Variants in BRCA2 observed in about 807,000 individuals in gnomAD.
The protein encoded by BRCA2 is BRCA2 DNA repair associated.
A neutral mutation model predicts 276.7 loss-of-function variants in BRCA2; 203 were observed. The observed-to-expected ratio is 0.73, with a 90% confidence interval of 0.65 to 0.82. BRCA2 has a LOEUF of 0.82. Ranked by LOEUF, BRCA2 falls within the 40% of genes least tolerant of loss-of-function variation. The pLI, the probability that BRCA2 is intolerant of heterozygous loss-of-function variation, is 0.00. For synonymous variants in BRCA2, 1,289 were observed against 1,338.4 expected, an observed-to-expected ratio of 0.96 and a Z score of 0.81; for missense variants, 3,920 against 3,915.0, an observed-to-expected ratio of 1.00 and a Z score of -0.03.
rs1433895993 is a variant in BRCA2, at chr13:32,362,743, G to C, written c.7976+50G>C. On this transcript the variant is annotated intron_variant, in intron 17 of 26. Transcript: ENST00000380152. Reference sequence around the variant, plus strand: ...TAATCATATACGGCAGTATGGTTAAGGTTTCTGTGTAGTCTGTGACTTCCA... The same window carrying C: ...TAATCATATACGGCAGTATGGTTAACGTTTCTGTGTAGTCTGTGACTTCCA... 3.8e-6 allele frequency: 6 copies of C among 1,599,254 alleles called. No individual in the cohort carries two copies. Among genetic ancestry groups the C allele is most frequent in the Non-Finnish European group, 5.1e-6 (6 of 1,167,320 alleles).
chr13:32,333,295 C>G lies in BRCA2; in HGVS notation c.1817C>G (p.Pro606Arg), dbSNP rs80358469. 1 of 1,604,908 alleles carries G rather than the reference C, an allele frequency of 6.2e-7. No individual in the cohort carries two copies. The highest frequency in any genetic ancestry group is 1.7e-5 in the Admixed American group (1 of 57,862). The change falls in exon 10 of 27, where the codon CCG (proline) becomes CGG (arginine). Residue 606 changes from proline to arginine, a missense_variant. Pro to Arg is a moderately radical substitution (Grantham distance 103, BLOSUM62 -2). Coordinates refer to ENST00000380152, the MANE Select transcript of BRCA2 (RefSeq NM_000059.4). ...DETSYKGKKI[P>R]KDQKSELINC... is the part of the protein sequence containing the mutation. ...ACATCTTATAAAGGAAAAAAAATAC[C>G]GAAAGACCAAAAATCAGAACTAATT...
At chr13:32,384,914 AAAG>A (rs1354296603) in intron 24 of BRCA2, 12 of 328,496 alleles carry the variant, frequency 3.7e-5, no homozygotes, top group African/African-American at 2.6e-4. Flanking sequence ...CTTAATCCAG[AAAG>A]AAGATGCCAA....
chr13:32,322,415 A>G (rs939325160), intron 3 of BRCA2, among the ~76,000 whole-genome samples: 25 of 152,226 alleles, frequency 1.6e-4, no homozygotes, highest in African/African-American at 6.0e-4. Context: ...AGTGATAAGC[A>G]TTGTTTCTAT....
At chr13:32,318,598 T>G (rs206122) in intron 2 of BRCA2, among the ~76,000 whole-genome samples, 1 of 151,876 alleles carries the variant, frequency 6.6e-6, no homozygotes, top group East Asian at 1.9e-4. Flanking sequence ...TGTGCCACCA[T>G]GCTTGGCTAA....
rs66813254 is a variant in BRCA2 at position 32,388,666 on chromosome 13, C to CTTTT, written c.9257-6013_9257-6010dup. Among the ~76,000 whole-genome samples the CTTTT allele has an allele frequency of 4.2e-4, 62 of 146,262 alleles. 2 individuals carry two copies. Among genetic ancestry groups the CTTTT allele is most frequent in the South Asian group, 1.3e-3 (6 of 4,618 alleles). ...AGGTTAAATGTATTAAATGCATTTTCTTTTTTTTTTTTTGAGATTGAAAGT... is the reference window on the plus strand; with the variant it reads ...AGGTTAAATGTATTAAATGCATTTTCTTTTTTTTTTTTTTTTTGAGATTGAAAGT... On this transcript the variant is annotated intron_variant, in intron 24 of 26. Transcript: ENST00000380152.
intron 24 of BRCA2, among the ~76,000 whole-genome samples, chr13:32,392,199 T>C (rs2073001350): frequency 6.6e-6 from 1 of 152,220 alleles, no homozygotes; most frequent in South Asian, 2.1e-4. Flanking sequence ...CAAATCCTTA[T>C]CTGAGAATGA....
rs398122622 is a variant in BRCA2 at position 32,398,320 on chromosome 13, AG to A, written c.9808del (p.Ala3270ProfsTer5). 1 of 1,614,188 alleles carries A rather than the reference AG, an allele frequency of 6.2e-7. No individual in the cohort carries two copies. The highest frequency in any genetic ancestry group is 1.7e-5 in the Admixed American group (1 of 60,024). ...ACCAAAAGAACTGCAAAAAGAGAAG[AG>A]CCTTGGATTTCTTGAGTAGACTGCC... ...DDQKNCKKRRALDFLSRLPLP... is the reference protein window; with the variant it reads ...DDQKNCKKRRXLDFLSRLPLP... On this transcript the variant is annotated frameshift_variant, in exon 27 of 27. Transcript: ENST00000380152. LOFTEE classifies it low-confidence loss of function (END_TRUNC).
chr13:32,319,018 T>A, intron 2 of BRCA2, 59 bp from the exon 3 acceptor site: 3 of 1,602,582 alleles, frequency 1.9e-6, no homozygotes, highest in Non-Finnish European at 2.6e-6. Context: ...TTAACTGTTC[T>A]GGGTCACAAA....
intron 18 of BRCA2, among the ~76,000 whole-genome samples, chr13:32,365,637 CAA>C (rs1163577112): frequency 1.3e-5 from 2 of 151,584 alleles, no homozygotes; most frequent in African/African-American, 4.8e-5. Context: ...CTCAGCCTCC[CAA>C]AGTGTTGGGA....
rs1555283059 is a variant in BRCA2, at chr13:32,337,483, C to T, written c.3128C>T (p.Ala1043Val). ...GAAGAACAATATCCTACTAGTTTAG[C>T]TTGTGTTGAAATTGTAAATACCTTG... is the stretch of plus-strand genomic sequence containing the variant. ...DIEEQYPTSL[A>V]CVEIVNTLAL... Residue 1043 changes from alanine to valine, a missense_variant, in exon 11 of 27, where the codon GCT becomes GTT. By Grantham distance (64) the Ala-to-Val change is moderately conservative. Coordinates refer to ENST00000380152, the MANE Select transcript of BRCA2 (RefSeq NM_000059.4). 6.2e-7 allele frequency: 1 copy of T among 1,609,678 alleles called. No homozygotes were observed. The highest frequency in any genetic ancestry group is 8.5e-7 in the Non-Finnish European group (1 of 1,177,860).
At chr13:32,361,357 T>C (rs2072736333) in intron 16 of BRCA2, among the ~76,000 whole-genome samples, 1 of 152,082 alleles carries the variant, frequency 6.6e-6, no homozygotes, top group South Asian at 2.1e-4. Context: ...GCTCAATAGA[T>C]TGGTGGAGTG....
intron 24 of BRCA2, among the ~76,000 whole-genome samples, chr13:32,390,999 C>T (rs1231758504): frequency 6.6e-6 from 1 of 152,150 alleles, no homozygotes; most frequent in African/African-American, 2.4e-5. Context: ...TTGATTTGAA[C>T]TTATACTTTC....
rs543304 is a variant in BRCA2 at position 32,338,162 on chromosome 13, T to C, written c.3807T>C (p.Val1269=). 0.18 allele frequency: 280,865 copies of C among 1,589,028 alleles called. 25,419 individuals carry two copies. Among genetic ancestry groups the C allele is most frequent in the Middle Eastern group, 0.24 (1,397 of 5,940 alleles). Residue 1269 remains valine, a synonymous_variant, in exon 11 of 27, where the codon GTT becomes GTC. Transcript: ENST00000380152. ...CTTCAAGTAAATGTCATGATTCTGT[T>C]GTTTCAATGTTTAAGATAGAAAATC... ...SLSSSKCHDS[V]VSMFKIENHN...
Position 32,356,412 on chromosome 13 carries a change from A to G in BRCA2, c.7436-16A>G. The G allele has an allele frequency of 1.9e-6, 3 of 1,609,114 alleles. No individual in the cohort carries two copies. Among genetic ancestry groups the G allele is most frequent in the Non-Finnish European group, 2.6e-6 (3 of 1,175,530 alleles). ...AATTTCAATTTTATTTTTGCTAAGT[A>G]TTTATTCTTTGATAGATTTAATTAC... On this transcript the variant is annotated splice_polypyrimidine_tract_variant and intron_variant, in intron 14 of 26. Transcript: ENST00000380152.
intron 20 of BRCA2, among the ~76,000 whole-genome samples, chr13:32,372,023 G>T (rs1414838646): frequency 6.6e-6 from 1 of 152,182 alleles, no homozygotes; most frequent in African/African-American, 2.4e-5. Context: ...GTGGTAGTTG[G>T]TGAAGGTTGG....
intron 24 of BRCA2, among the ~76,000 whole-genome samples, chr13:32,387,774 T>A (rs1158967477): frequency 6.6e-6 from 1 of 152,128 alleles, no homozygotes; most frequent in Non-Finnish European, 1.5e-5. Flanking sequence ...TTCTTATAAG[T>A]GCAGAGAAGA....
intron 14 of BRCA2, 104 bp from the exon 15 acceptor site, chr13:32,356,324 C>G (rs1566241794): frequency 8.6e-7 from 1 of 1,167,482 alleles, no homozygotes; most frequent in African/African-American, 1.5e-5. Context: ...CCCGCCTCAG[C>G]CTCCCAAAGT....
rs786202701 is a variant in BRCA2, at chr13:32,340,450, C to T, written c.6095C>T (p.Ala2032Val). Residue 2032 changes from alanine to valine, a missense_variant, in exon 11 of 27, where the codon GCT (alanine) becomes GTT (valine). Physicochemically the swap from Ala to Val is moderately conservative, Grantham distance 64. This residue lies in a region of BRCA2 where 3,263 missense variants were observed against 3,156.9 expected (regional missense o/e 1.03). Coordinates refer to ENST00000380152, the MANE Select transcript of BRCA2 (RefSeq NM_000059.4). The stretch of plus-strand genomic sequence containing the variant: ...CAGCTCACAAGAGAAGAAAATACTG[C>T]TATACGTACTCCAGAACATTTAATA... The part of the protein sequence containing the change: ...SDQLTREENT[A>V]IRTPEHLISQ... 2 of 1,613,810 alleles carry T rather than the reference C, an allele frequency of 1.2e-6. No individual in the cohort carries two copies. Among genetic ancestry groups the T allele is most frequent in the Non-Finnish European group, 8.5e-7 (1 of 1,179,822 alleles).
At chr13:32,369,816 C>T (rs1202258831) in intron 18 of BRCA2, among the ~76,000 whole-genome samples, 1 of 152,198 alleles carries the variant, frequency 6.6e-6, no homozygotes, top group African/African-American at 2.4e-5. Context: ...TCAGGTGATA[C>T]GCCTGCCTCG....
Sources: gnomAD v4.1 joint callset for allele counts (sites outside exome capture counted in the v4.1 genomes callset) on GRCh38, gnomAD v4.1.1 for gene constraint, gnomAD v4.1.1 regional missense constraint, MANE v1.5 for transcripts, NCBI Gene and HGNC (gene_info 2026-07-23, HGNC 2026-07-21) for gene names.